The following EML6 variants were observed in gnomAD, a reference collection of about 807,000 sequenced individuals.
EML6 encodes echinoderm microtubule-associated protein-like 6.
A neutral mutation model predicts 240.1 loss-of-function variants in EML6; 154 were observed. The ratio of observed to expected loss-of-function variants is 0.64; its 90% CI spans 0.56 to 0.73. EML6 has a LOEUF of 0.73. Ranked by LOEUF, EML6 falls within the 30% of genes least tolerant of loss-of-function variation. The pLI, the probability that EML6 is intolerant of heterozygous loss-of-function variation, is 0.00. For missense variants in EML6, 2,964 were observed against 2,474.6 expected (o/e 1.20, Z -4.20); for synonymous variants, 1,148 against 899.0 (o/e 1.28, Z -4.95).
rs185432286 is a variant in EML6, at chr2:54,778,925, T to C, written c.198-34307T>C. ...AAAAGAAAGAAAGAAAAGAAGTGAA[T>C]TGTTAAATTAATAAATATATCAAAT... On this transcript the variant is annotated intron_variant, in intron 2 of 41. Coordinates refer to ENST00000356458, the MANE Select transcript of EML6 (RefSeq NM_001039753.4). Among the ~76,000 whole-genome samples the C allele has an allele frequency of 3.3e-3, 488 of 145,980 alleles. 4 individuals carry two copies. The highest frequency in any genetic ancestry group is 0.011 in the African/African-American group (439 of 38,344).
At chr2:54,894,777 C>T in intron 19 of EML6, 138 bp from the exon 20 acceptor site, 1 of 601,330 alleles carries the variant, frequency 1.7e-6, no homozygotes, top group South Asian at 2.0e-5. Flanking sequence ...ACATTGTTAT[C>T]ACCAGAGTTT....
chr2:54,788,236 C>G (rs1217455162), intron 2 of EML6, among the ~76,000 whole-genome samples: 2 of 152,256 alleles, frequency 1.3e-5, no homozygotes, highest in Admixed American at 6.5e-5. Flanking sequence ...CTCCCGCTTC[C>G]TGTTGGCCTG....
chr2:54,760,278 C>A (rs959795236), intron 2 of EML6, among the ~76,000 whole-genome samples: 2 of 151,826 alleles, frequency 1.3e-5, no homozygotes, highest in African/African-American at 4.8e-5. Context: ...CTCCATGCTC[C>A]CCAGATATTC....
In EML6 at chr2:54,844,265, G is replaced by T; in HGVS notation, c.1049+17G>T. The T allele has an allele frequency of 6.5e-7, 1 of 1,544,058 alleles. No individual in the cohort carries two copies. The highest frequency in any genetic ancestry group is 8.8e-7 in the Non-Finnish European group (1 of 1,140,210). On this transcript the variant is annotated intron_variant, in intron 8 of 41. Transcript: ENST00000356458. ...CTCTGTCAGGTGAGGCCCTACCGCC[G>T]TCACCTCTCTGACTTCTTTGAGATG...
intron 25 of EML6, among the ~76,000 whole-genome samples, chr2:54,914,062 T>C (rs1673777922): frequency 6.6e-6 from 1 of 152,350 alleles, no homozygotes; most frequent in South Asian, 2.1e-4. Context: ...AGCCTTGTAG[T>C]ATACTTTGAA....
In EML6 at chr2:54,879,641, G is replaced by T. The variant is rs1340684792; in HGVS notation, c.2438+1G>T. On this transcript the variant is annotated splice_donor_variant, in intron 17 of 41. Transcript: ENST00000356458. LOFTEE classifies it high-confidence loss of function. ...AGGGAGAAAAGATAGCCACAACAAG[G>T]TAAGAAGCTGCCGGGATCTTACGGT... is the stretch of plus-strand genomic sequence containing the variant. 6.5e-7 allele frequency: 1 copy of T among 1,535,228 alleles called. No homozygotes were observed. The highest frequency in any genetic ancestry group is 2.0e-5 in the Admixed American group (1 of 50,966).
chr2:54,893,916 A>G (rs948371258), intron 19 of EML6, among the ~76,000 whole-genome samples: 11 of 152,188 alleles, frequency 7.2e-5, no homozygotes, highest in African/African-American at 2.4e-4. Context: ...TTAAAGAAGA[A>G]GAAAGAATTT....
Position 54,827,600 on chromosome 2 carries a change from A to G in EML6, c.560A>G (p.Lys187Arg). Residue 187 changes from lysine (K) to arginine (R), a missense_variant, in exon 6 of 42, where the codon AAA becomes AGA. Physicochemically the swap from Lys to Arg is conservative, Grantham distance 26 (BLOSUM62 2). Coordinates refer to ENST00000356458, the MANE Select transcript of EML6 (RefSeq NM_001039753.4). ...WTLCGNALTA[K>R]RGIFGKTGDL... The stretch of plus-strand genomic sequence containing the variant: ...CTGTGTGGAAATGCCCTGACTGCAA[A>G]AAGAGGGATATTTGGCAAAACAGGG... 1 of 1,551,672 alleles carries G rather than the reference A, an allele frequency of 6.4e-7. No homozygotes were observed. The highest frequency in any genetic ancestry group is 8.7e-7 in the Non-Finnish European group (1 of 1,146,990).
intron 2 of EML6, among the ~76,000 whole-genome samples, chr2:54,752,500 G>A (rs1177318587): frequency 6.6e-6 from 1 of 152,142 alleles, no homozygotes; most frequent in Non-Finnish European, 1.5e-5. Context: ...CTCCTCTTAT[G>A]TAGATATGTT....
In EML6 at chr2:54,774,566, A is replaced by G. The variant is rs1358905621; in HGVS notation, c.198-38666A>G. Among the ~76,000 whole-genome samples the G allele has an allele frequency of 6.6e-6, 1 of 152,212 alleles. No homozygotes were observed. Among genetic ancestry groups the G allele is most frequent in the Non-Finnish European group, 1.5e-5 (1 of 68,036 alleles). On this transcript the variant is annotated intron_variant, in intron 2 of 41. Transcript: ENST00000356458. This position sits in a 1 kb window ranked among gnomAD's most constrained non-coding sequence, Gnocchi z 4.1. Reference sequence around the variant, plus strand: ...AGAGCTAGCATCTCTGCTACACTACATCATAGGGTGGTTGTAAGGATCAAA... The same window carrying G: ...AGAGCTAGCATCTCTGCTACACTACGTCATAGGGTGGTTGTAAGGATCAAA...
intron 2 of EML6, among the ~76,000 whole-genome samples, chr2:54,766,423 C>G (rs1222802186): frequency 6.6e-6 from 1 of 152,042 alleles, no homozygotes; most frequent in Non-Finnish European, 1.5e-5. Flanking sequence ...TATAGAATGA[C>G]CGTCAGTTTG....
intron 2 of EML6, among the ~76,000 whole-genome samples, chr2:54,754,320 G>A (rs994680706): frequency 4.6e-5 from 7 of 151,876 alleles, no homozygotes; most frequent in East Asian, 1.9e-4. Flanking sequence ...CTTGATTTTC[G>A]TTCATTGAGA....
intron 29 of EML6, 121 bp from the exon 30 acceptor site, chr2:54,950,529 G>T: frequency 9.2e-7 from 1 of 1,088,826 alleles, no homozygotes; most frequent in Non-Finnish European, 1.3e-6. Flanking sequence ...GTGAGTGTGT[G>T]TTGGCGTCAC....
At chr2:54,877,183 C>T (rs887417790) in intron 16 of EML6, among the ~76,000 whole-genome samples, 3 of 151,998 alleles carry the variant, frequency 2.0e-5, no homozygotes, top group African/African-American at 7.2e-5. Flanking sequence ...TGGGTTTCCT[C>T]ATGTTGCCCA....
intron 2 of EML6, among the ~76,000 whole-genome samples, chr2:54,801,264 G>C (rs571639408): frequency 6.8e-6 from 1 of 147,902 alleles, no homozygotes; most frequent in Non-Finnish European, 1.5e-5. Context: ...GCAGTGAGCC[G>C]AGATCTCACC....
At position 54,950,575 on chromosome 2, in the gene EML6, A is replaced by G. The variant is rs534120535; in HGVS notation, c.4084-75A>G. 173 of 1,501,040 alleles carry G rather than the reference A, an allele frequency of 1.2e-4. 1 individual carries two copies. The African/African-American group carries it at 2.0e-3, about 17-fold the overall frequency. The allele number at this position is 1,501,040 out of a possible 1,614,324, so 93.0% of individuals were successfully genotyped here. On this transcript the variant is annotated intron_variant, in intron 29 of 41. Coordinates refer to ENST00000356458, the MANE Select transcript of EML6 (RefSeq NM_001039753.4). ...GTTCCTGGGACACACGAGGCTGCTCACGCAATGTGGGTGTGTTCCTCGGCT... is the reference window on the plus strand; with the variant it reads ...GTTCCTGGGACACACGAGGCTGCTCGCGCAATGTGGGTGTGTTCCTCGGCT...
intron 2 of EML6, among the ~76,000 whole-genome samples, chr2:54,809,685 T>C (rs1035639640): frequency 6.6e-6 from 1 of 152,224 alleles, no homozygotes; most frequent in Non-Finnish European, 1.5e-5. Flanking sequence ...ATGTGTGGAA[T>C]TTTATTTATT....
At chr2:54,882,667 G>C (rs1422385985) in intron 17 of EML6, 2 of 151,664 alleles carry the variant, frequency 1.3e-5, no homozygotes, top group Non-Finnish European at 2.9e-5. Flanking sequence ...GACCATCCTG[G>C]CTAACAGGGT....
At chr2:54,823,067 A>G (rs990384988) in intron 5 of EML6, among the ~76,000 whole-genome samples, 2 of 152,232 alleles carry the variant, frequency 1.3e-5, no homozygotes, top group Non-Finnish European at 1.5e-5. Flanking sequence ...CCAAAAACTC[A>G]TTCAGTTTAA....
Sources: gnomAD v4.1 joint callset for allele counts (sites outside exome capture counted in the v4.1 genomes callset) on GRCh38, gnomAD v4.1.1 for gene constraint, Gnocchi (gnomAD v3.1) non-coding constraint, MANE v1.5 for transcripts, NCBI Gene and HGNC (gene_info 2026-07-23, HGNC 2026-07-21) for gene names.